EDNRB: variants seen among roughly 807,000 people sequenced by gnomAD.
The protein encoded by EDNRB is Hirschsprung disease 2.
Under a neutral mutation model 46.4 loss-of-function variants are expected in EDNRB, and 18 were observed. That is an observed-to-expected ratio of 0.39 (90% confidence interval 0.27 to 0.57). EDNRB has a LOEUF of 0.57. Among genes scored for constraint, EDNRB ranks in the 20% least tolerant of loss-of-function variants. EDNRB has a pLI of 0.61. For missense variants in EDNRB, 434 were observed against 537.5 expected, an observed-to-expected ratio of 0.81 and a Z score of 1.90; for synonymous variants, 213 against 204.9, an observed-to-expected ratio of 1.04 and a Z score of -0.34.
intron 1 of EDNRB, among the ~76,000 whole-genome samples, chr13:77,931,568 G>C (rs998999829): frequency 6.6e-6 from 1 of 151,918 alleles, no homozygotes; most frequent in African/African-American, 2.4e-5. Context: ...GGAGACATCA[G>C]TGGCCTCTAA....
At chr13:77,959,294 T>C (rs1566337988) in intron 1 of EDNRB, among the ~76,000 whole-genome samples, 1 of 152,046 alleles carries the variant, frequency 6.6e-6, no homozygotes, top group African/African-American at 2.4e-5. Flanking sequence ...CACCCCTCAG[T>C]AGGGGCAGAA....
intron 1 of EDNRB, among the ~76,000 whole-genome samples, chr13:77,973,407 A>G (rs57676440): frequency 6.6e-6 from 1 of 151,894 alleles, no homozygotes; most frequent in African/African-American, 2.4e-5. Flanking sequence ...TCTTTTTAAC[A>G]TTTTATAATT....
chr13:77,955,966 T>C (rs1055774451), intron 1 of EDNRB, among the ~76,000 whole-genome samples: 1 of 152,094 alleles, frequency 6.6e-6, no homozygotes, highest in Non-Finnish European at 1.5e-5. Flanking sequence ...GAGTGTGATA[T>C]CTCCAGCTTT....
intron 1 of EDNRB, among the ~76,000 whole-genome samples, chr13:77,950,500 C>T (rs1881061642): frequency 6.6e-6 from 1 of 152,212 alleles, no homozygotes; most frequent in Non-Finnish European, 1.5e-5. Context: ...GAAGGAGGCT[C>T]TGCTCCACCC....
At chr13:77,921,561 A>T (rs7989185), upstream of EDNRB, among the ~76,000 whole-genome samples, 136,554 of 151,984 alleles carry the variant, frequency 0.9, 61,419 homozygotes, top group East Asian at 0.98. Context: ...TGCATGTCTA[A>T]ATGGTTACAC....
rs143633633 is a variant in EDNRB at position 77,916,335 on chromosome 13, A to G, written c.483+1756T>C. On this transcript the variant is annotated intron_variant, in intron 1 of 6. Transcript: ENST00000646607. ...ATTGAAATTCCTTTGCCAAATTAGA[A>G]TGGGAAGATTTAGTTTGTGGGACGC... 5.8e-4 allele frequency among the ~76,000 whole-genome samples: 88 copies of G among 152,356 alleles called. 3 individuals are homozygous for G. In the East Asian group the frequency reaches 0.015, roughly 26 times the overall value.
rs201575712 is a variant in EDNRB at position 77,918,278 on chromosome 13, G to A, written c.296C>T (p.Thr99Ile). 4.3e-6 allele frequency: 7 copies of A among 1,614,124 alleles called. No homozygotes were observed. The highest frequency in any genetic ancestry group is 5.9e-6 in the Non-Finnish European group (7 of 1,180,028). The stretch of plus-strand genomic sequence containing the variant: ...CACAACCGTGTTGATGTATTTGAAA[G>A]TCTCCTTGATCTCGATGGGTCCTTG... ...PCQGPIEIKE[T>I]FKYINTVVSC... The change falls in exon 1 of 7, where the codon ACT becomes ATT. Residue 99 changes from threonine (T) to isoleucine (I), a missense_variant. By Grantham distance (89) the Thr-to-Ile change is moderately conservative (BLOSUM62 -1). Transcript: ENST00000646607. The surrounding 1 kb of genome is among the most constrained non-coding windows in gnomAD (Gnocchi z 4.5).
chr13:77,907,038 T>C (rs1354157894), intron 1 of EDNRB, among the ~76,000 whole-genome samples: 1 of 151,996 alleles, frequency 6.6e-6, no homozygotes, highest in Non-Finnish European at 1.5e-5. Context: ...TTTTTAAACC[T>C]ATAGCTATGT....
intron 1 of EDNRB, among the ~76,000 whole-genome samples, chr13:77,904,908 T>C (rs944242694): frequency 6.6e-6 from 1 of 152,008 alleles, no homozygotes; most frequent in African/African-American, 2.4e-5. Context: ...GTGAAGACTC[T>C]ACCGAGTTTG....
intron 6 of EDNRB, among the ~76,000 whole-genome samples, chr13:77,899,140 C>A (rs1329201652): frequency 6.6e-6 from 1 of 151,758 alleles, no homozygotes; most frequent in Non-Finnish European, 1.5e-5. Flanking sequence ...TCTTCCAACT[C>A]TAAAATTTGA....
intron 1 of EDNRB, among the ~76,000 whole-genome samples, chr13:77,936,171 G>C (rs1348205185): frequency 6.6e-6 from 1 of 152,100 alleles, no homozygotes; most frequent in Non-Finnish European, 1.5e-5. Context: ...ATACTTGTGG[G>C]TTAAGGTGGG....
rs191119027 is a variant in EDNRB at position 77,936,263 on chromosome 13, T to G, written c.-51-17639A>C. On this transcript the variant is annotated intron_variant, in intron 1 of 7. Transcript: ENST00000646948. The stretch of plus-strand genomic sequence containing the variant: ...AGGTGTGGCTGTAGCCCAGGAATAG[T>G]CAGGGAAGCAGATAATTTAATTAAA... Among the ~76,000 whole-genome samples, 137 of 152,164 alleles carry G rather than the reference T, an allele frequency of 9.0e-4. No individual in the cohort carries two copies. In the East Asian group the frequency reaches 0.023, roughly 26 times the overall value.
Position 77,918,505 on chromosome 13 carries a change from C to G in EDNRB, c.69G>C (p.Arg23=), listed in dbSNP as rs1594373853. ...VALVLACGLS[R]IWGEERGFPP... is the part of the protein sequence containing the mutation. ...GGAAGCCTCTCTCCTCTCCCCAGATCCGCGACAGGCCGCAGGCAAGAACCA... is the reference window on the plus strand; with the variant it reads ...GGAAGCCTCTCTCCTCTCCCCAGATGCGCGACAGGCCGCAGGCAAGAACCA... Residue 23 remains arginine (R), a synonymous_variant, in exon 1 of 7, where the codon CGG becomes CGC. Coordinates refer to ENST00000646607, the MANE Select transcript of EDNRB (RefSeq NM_001122659.3). This position sits in a 1 kb window ranked among gnomAD's most constrained non-coding sequence, Gnocchi z 4.5. The G allele has an allele frequency of 6.3e-7, 1 of 1,575,112 alleles. No individual in the cohort carries two copies. Among genetic ancestry groups the G allele is most frequent in the African/African-American group, 1.4e-5 (1 of 73,240 alleles).
chr13:77,919,652 G>C (rs770970801), upstream of EDNRB: 2 of 1,550,256 alleles, frequency 1.3e-6, no homozygotes, highest in Non-Finnish European at 1.8e-6. Context: ...GACTCCTCCC[G>C]CGCCTTCCGA....
chr13:77,950,488 C>G (rs1050945765), intron 1 of EDNRB, among the ~76,000 whole-genome samples: 1 of 152,192 alleles, frequency 6.6e-6, no homozygotes, highest in Non-Finnish European at 1.5e-5. Flanking sequence ...TCAGAGCTGA[C>G]AGAAGGAGGC....
intron 1 of EDNRB, among the ~76,000 whole-genome samples, chr13:77,959,929 A>G (rs892617741): frequency 2.0e-5 from 3 of 152,266 alleles, no homozygotes; most frequent in Admixed American, 2.0e-4. Flanking sequence ...ACTGGAAGAA[A>G]GGGTATCAGT....
intron 1 of EDNRB, among the ~76,000 whole-genome samples, chr13:77,909,121 A>G (rs1295775498): frequency 6.6e-6 from 1 of 152,044 alleles, no homozygotes; most frequent in Admixed American, 6.6e-5. Context: ...ATAAATAAAC[A>G]CTAGATTGAA....
At chr13:77,905,408 G>C (rs1275149169) in intron 1 of EDNRB, among the ~76,000 whole-genome samples, 1 of 151,822 alleles carries the variant, frequency 6.6e-6, no homozygotes, top group Non-Finnish European at 1.5e-5. Flanking sequence ...ATACATCTGT[G>C]AGCCATCATA....
rs1161202309 is a variant in EDNRB at position 77,897,160 on chromosome 13, A to G, written c.*1040T>C. Reference sequence around the variant, plus strand: ...ATGTGGACACTGCACCAGGCAGTTCACAGTCTTTATTATGAGGTCACTGGC... The same window carrying G: ...ATGTGGACACTGCACCAGGCAGTTCGCAGTCTTTATTATGAGGTCACTGGC... On this transcript the variant is annotated 3_prime_UTR_variant, in exon 7 of 7. Coordinates refer to ENST00000646607, the MANE Select transcript of EDNRB (RefSeq NM_001122659.3). 1 of 985,378 alleles carries G rather than the reference A, an allele frequency of 1.0e-6. No individual in the cohort carries two copies. The highest frequency in any genetic ancestry group is 6.2e-5 in the Admixed American group (1 of 16,252). 61.0% of individuals were successfully genotyped at this position (985,378 alleles called of 1,614,324 possible).
Sources: allele counts gnomAD v4.1 joint callset (sites outside exome capture counted in the v4.1 genomes callset), GRCh38; gene constraint gnomAD v4.1.1; non-coding constraint Gnocchi (gnomAD v3.1); transcripts MANE v1.5; gene names NCBI Gene and HGNC (gene_info 2026-07-23, HGNC 2026-07-21).